KCNQ5: variants seen among roughly 807,000 people sequenced by gnomAD.
The protein encoded by KCNQ5 is potassium voltage-gated channel subfamily KQT member 5.
A neutral mutation model predicts 98.2 loss-of-function variants in KCNQ5; 30 were observed. The ratio of observed to expected loss-of-function variants is 0.31; its 90% CI spans 0.23 to 0.41. The LOEUF (loss-of-function observed/expected upper bound fraction) is 0.41, where lower values mean the gene tolerates loss of function less well. KCNQ5 is among the 10% of genes least tolerant of loss of function. The probability of loss-of-function intolerance (pLI) is 1.00; values close to 1 mark genes in which losing one functional copy is unlikely to be tolerated. For missense variants in KCNQ5, 835 were observed against 1,182.5 expected, an observed-to-expected ratio of 0.71 and a Z score of 4.31; for synonymous variants, 458 against 449.4, an observed-to-expected ratio of 1.02 and a Z score of -0.24.
At chr6:72,783,964 G>A (rs1201609625) in intron 1 of KCNQ5, among the ~76,000 whole-genome samples, 2 of 152,164 alleles carry the variant, frequency 1.3e-5, no homozygotes, top group Admixed American at 1.3e-4. Flanking sequence ...ACAAAAGGCC[G>A]TGTAGCCCAA....
At chr6:72,761,384 CTAGT>C (rs1461898441) in intron 1 of KCNQ5, among the ~76,000 whole-genome samples, 1 of 151,902 alleles carries the variant, frequency 6.6e-6, no homozygotes, top group East Asian at 1.9e-4. Flanking sequence ...CAGATTATGA[CTAGT>C]TAAATGATTA....
chr6:73,157,977 C>T (rs1018863846), intron 10 of KCNQ5: 1 of 759,084 alleles, frequency 1.3e-6, no homozygotes, highest in African/African-American at 1.7e-5. Context: ...CTCTTCATAC[C>T]CCTTGAACGG....
At chr6:72,670,428 A>G (rs1467988772) in intron 1 of KCNQ5, among the ~76,000 whole-genome samples, 1 of 151,976 alleles carries the variant, frequency 6.6e-6, no homozygotes, top group African/African-American at 2.4e-5. Context: ...GCCTCTACCC[A>G]TCACTGAGTT....
chr6:72,864,878 G>A (rs1284182851), intron 1 of KCNQ5, among the ~76,000 whole-genome samples: 1 of 152,088 alleles, frequency 6.6e-6, no homozygotes, highest in Non-Finnish European at 1.5e-5. Context: ...GCTACTTTCA[G>A]TCAGAAAAAC....
chr6:73,148,156 G>A (rs1450820527), intron 10 of KCNQ5, among the ~76,000 whole-genome samples: 2 of 152,114 alleles, frequency 1.3e-5, no homozygotes, highest in East Asian at 1.9e-4. Context: ...ACTCTCTAGT[G>A]CTTCACACCG....
At chr6:73,040,353 A>T (rs1164118926) in intron 2 of KCNQ5, among the ~76,000 whole-genome samples, 1 of 152,196 alleles carries the variant, frequency 6.6e-6, no homozygotes, top group Admixed American at 6.5e-5. Context: ...GGGATTAAAA[A>T]GTGGATCTGC....
intron 1 of KCNQ5, among the ~76,000 whole-genome samples, chr6:72,897,632 T>C (rs1364389763): frequency 1.3e-5 from 2 of 152,120 alleles, no homozygotes; most frequent in East Asian, 3.8e-4. Flanking sequence ...ATGAAAATAC[T>C]TGGTAAACAA....
chr6:72,649,194 G>C (rs1316011598), intron 1 of KCNQ5, among the ~76,000 whole-genome samples: 1 of 152,114 alleles, frequency 6.6e-6, no homozygotes, highest in African/African-American at 2.4e-5. Flanking sequence ...GGAGTCCCTG[G>C]CCAATACTGT....
At chr6:72,932,245 T>C (rs764594004) in intron 1 of KCNQ5, among the ~76,000 whole-genome samples, 7 of 151,898 alleles carry the variant, frequency 4.6e-5, no homozygotes, top group Non-Finnish European at 1.0e-4. Context: ...ATGGAAAATA[T>C]GTGTGTTTGT....
chr6:72,961,426 G>C (rs924719621), intron 1 of KCNQ5, among the ~76,000 whole-genome samples: 85 of 151,934 alleles, frequency 5.6e-4, no homozygotes, highest in Middle Eastern at 3.4e-3. Flanking sequence ...GACCATCCTG[G>C]CTAACACGGT....
At chr6:72,739,516 C>A (rs1281256000) in intron 1 of KCNQ5, among the ~76,000 whole-genome samples, 1 of 152,212 alleles carries the variant, frequency 6.6e-6, no homozygotes, top group African/African-American at 2.4e-5. Context: ...TTCTGAACTT[C>A]CTTTTCATTT....
At chr6:73,168,341 A>G (rs1777881038) in intron 10 of KCNQ5, among the ~76,000 whole-genome samples, 1 of 152,224 alleles carries the variant, frequency 6.6e-6, no homozygotes, top group South Asian at 2.1e-4. Context: ...CACAGAGCAA[A>G]GGCAACACAA....
chr6:72,648,565 A>C (rs1443241216), intron 1 of KCNQ5, among the ~76,000 whole-genome samples: 2 of 152,088 alleles, frequency 1.3e-5, no homozygotes, highest in Non-Finnish European at 2.9e-5. Flanking sequence ...TATTACTTAG[A>C]CCAGCATACA....
At chr6:72,673,701 G>C (rs1767257570) in intron 1 of KCNQ5, among the ~76,000 whole-genome samples, 3 of 152,100 alleles carry the variant, frequency 2.0e-5, no homozygotes, top group African/African-American at 7.2e-5. Flanking sequence ...CTCTTCCTTT[G>C]GACTGTGGAA....
At chr6:72,829,888 C>T (rs984407052) in intron 1 of KCNQ5, among the ~76,000 whole-genome samples, 3 of 152,102 alleles carry the variant, frequency 2.0e-5, no homozygotes, top group Admixed American at 1.3e-4. Context: ...CAAATGTGGG[C>T]TGAGGGGCCT....
At chr6:72,657,466 G>A (rs1217870855) in intron 1 of KCNQ5, among the ~76,000 whole-genome samples, 1 of 152,046 alleles carries the variant, frequency 6.6e-6, no homozygotes, top group Non-Finnish European at 1.5e-5. Flanking sequence ...CTTTTTCAAT[G>A]AAATATATTT....
chr6:73,013,474 G>A (rs979775072), intron 2 of KCNQ5, among the ~76,000 whole-genome samples: 49 of 152,180 alleles, frequency 3.2e-4, no homozygotes, highest in African/African-American at 1.2e-3. Flanking sequence ...TTAAAAGCTG[G>A]TGTTAATTTC....
At chr6:73,042,408 C>T (rs1158074883) in intron 3 of KCNQ5, among the ~76,000 whole-genome samples, 1 of 152,144 alleles carries the variant, frequency 6.6e-6, no homozygotes, top group East Asian at 1.9e-4. Context: ...TATGGAAATA[C>T]ATGTTTCTCC....
At position 72,693,855 on chromosome 6, in the gene KCNQ5, AC is replaced by A. The variant is rs747677805; in HGVS notation, c.398+71269del. Among the ~76,000 whole-genome samples the A allele has an allele frequency of 9.8e-5, 15 of 152,328 alleles. No individual in the cohort carries two copies. In the East Asian group the frequency reaches 2.7e-3, roughly 27 times the overall value. On this transcript the variant is annotated intron_variant, in intron 1 of 13. Transcript: ENST00000370398. ...AAACCAGTTATTTCACAGTTGGCTC[AC>A]AGTTTTGAAAGTAGAACTGCTAGAG...
Sources: allele counts gnomAD v4.1 joint callset (sites outside exome capture counted in the v4.1 genomes callset), GRCh38; gene constraint gnomAD v4.1.1; transcripts MANE v1.5; gene names NCBI Gene and HGNC (gene_info 2026-07-23, HGNC 2026-07-21).